SAMD5: variants seen among roughly 807,000 people sequenced by gnomAD.
SAMD5 encodes sterile alpha motif domain containing 5.
In SAMD5, 13 loss-of-function variants were observed where a neutral mutation model predicts 11.3. The ratio of observed to expected loss-of-function variants is 1.15; its 90% CI spans 0.75 to 1.83. SAMD5 has a LOEUF of 1.83. SAMD5 is among the 40% of genes most tolerant of loss of function. The probability of loss-of-function intolerance (pLI) is 0.00; values close to 1 mark genes in which losing one functional copy is unlikely to be tolerated. For missense variants in SAMD5, 255 were observed against 239.1 expected (o/e 1.07, Z -0.44); for synonymous variants, 129 against 111.3 (o/e 1.16, Z -1.00).
chr6:147,847,656 C>T, the SAMD5 span, among the ~76,000 whole-genome samples: 1 of 152,090 alleles, frequency 6.6e-6, no homozygotes, highest in African/African-American at 2.4e-5. Context: ...AGTTCGAGAC[C>T]AGCCTGGCCA....
chr6:147,509,420 C>G (rs1367184608), intron 1 of SAMD5, 33 bp downstream of exon 1: 26 of 1,492,104 alleles, frequency 1.7e-5, no homozygotes, highest in Admixed American at 2.3e-5. Context: ...GCCCGGGGCG[C>G]GCGGCGGGAG....
intron 1 of SAMD5, among the ~76,000 whole-genome samples, chr6:147,588,875 C>A (rs189454691): frequency 6.6e-6 from 1 of 152,068 alleles, no homozygotes; most frequent in Non-Finnish European, 1.5e-5. Flanking sequence ...TACTTCAATT[C>A]GTGAAATACG....
the SAMD5 span, among the ~76,000 whole-genome samples, chr6:147,762,448 C>G: frequency 3.0e-4 from 45 of 152,194 alleles, no homozygotes; most frequent in African/African-American, 1.1e-3. Context: ...ATCCACCTGC[C>G]TCAGCCTCCC....
At chr6:147,809,406 A>G in the SAMD5 span, among the ~76,000 whole-genome samples, 1 of 152,152 alleles carries the variant, frequency 6.6e-6, no homozygotes, top group Admixed American at 6.6e-5. Flanking sequence ...AACGGACCAC[A>G]CAGCTGTACC....
chr6:147,875,976 C>T, the SAMD5 span, among the ~76,000 whole-genome samples: 38 of 152,232 alleles, frequency 2.5e-4, no homozygotes, highest in African/African-American at 7.7e-4. Context: ...CCAAAACATC[C>T]CCTTGTCCCC....
intron 1 of SAMD5, among the ~76,000 whole-genome samples, chr6:147,510,725 CAGATCA>C (rs1468211024): frequency 4.6e-5 from 7 of 152,192 alleles, no homozygotes; most frequent in Admixed American, 6.5e-5. Context: ...ATAGGCAATT[CAGATCA>C]CCTGCTTGAC....
At chr6:147,573,793 A>G (rs1460889629), downstream of SAMD5, among the ~76,000 whole-genome samples, 1 of 152,194 alleles carries the variant, frequency 6.6e-6, no homozygotes, top group African/African-American at 2.4e-5. Context: ...TTTGTGACTC[A>G]TTAATGAAAA....
the SAMD5 span, among the ~76,000 whole-genome samples, chr6:147,766,173 AAG>A: frequency 1.1e-4 from 16 of 152,082 alleles, no homozygotes; most frequent in Non-Finnish European, 1.9e-4. Flanking sequence ...AGTAGGAAAA[AAG>A]AGAACATAAA....
chr6:147,916,839 G>A, the SAMD5 span, among the ~76,000 whole-genome samples: 1 of 150,706 alleles, frequency 6.6e-6, no homozygotes, highest in Non-Finnish European at 1.5e-5. Context: ...AGTTTACTGA[G>A]AATGATGATT....
rs970392679 is a variant in SAMD5 at position 147,540,932 on chromosome 6, C to G, written c.460-23462C>G. On this transcript the variant is annotated intron_variant, in intron 1 of 1. Coordinates refer to ENST00000367474, the MANE Select transcript of SAMD5 (RefSeq NM_001030060.3). ...CCATAGCTGTGGGGTTCAAGCCACG[C>G]GTTTTTTTTTTTTTTTTTTTTTTTT... Among the ~76,000 whole-genome samples, 12 of 106,314 alleles carry G rather than the reference C, an allele frequency of 1.1e-4. No individual in the cohort carries two copies. In the East Asian group the frequency reaches 2.1e-3, roughly 18 times the overall value. The allele number at this position is 106,314 out of a possible 152,430, so 69.7% of individuals were successfully genotyped here.
chr6:147,861,964 A>T, the SAMD5 span, among the ~76,000 whole-genome samples: 3 of 152,142 alleles, frequency 2.0e-5, no homozygotes, highest in African/African-American at 7.2e-5. Context: ...TTCCTGATGG[A>T]CATGACAGCT....
chr6:147,626,505 A>G (rs1453941621), intron 1 of SAMD5, among the ~76,000 whole-genome samples: 1 of 151,892 alleles, frequency 6.6e-6, no homozygotes, highest in Non-Finnish European at 1.5e-5. Context: ...TAGCCTTTGT[A>G]ACTAGTGTGA....
chr6:147,735,605 G>A (rs1791788347), intron 1 of SAMD5, among the ~76,000 whole-genome samples: 1 of 152,002 alleles, frequency 6.6e-6, no homozygotes, highest in Admixed American at 6.5e-5. Context: ...AAAATTTAAG[G>A]AATAGTGTGA....
the SAMD5 span, among the ~76,000 whole-genome samples, chr6:147,860,845 G>A: frequency 1.3e-5 from 2 of 152,176 alleles, 1 homozygote; most frequent in South Asian, 4.1e-4. Context: ...ATAGGAATAT[G>A]TCATTTCAAA....
chr6:147,799,889 G>A, the SAMD5 span, among the ~76,000 whole-genome samples: 9 of 151,962 alleles, frequency 5.9e-5, no homozygotes, highest in East Asian at 7.7e-4. Context: ...CATTCTTCAC[G>A]TAGTTCTGGA....
At chr6:147,795,109 C>T in the SAMD5 span, among the ~76,000 whole-genome samples, 1 of 150,276 alleles carries the variant, frequency 6.7e-6, no homozygotes, top group Non-Finnish European at 1.5e-5. Context: ...TACATGTGCA[C>T]ATTGTGCAGG....
chr6:147,601,118 C>T (rs1198934431), intron 1 of SAMD5, among the ~76,000 whole-genome samples: 1 of 152,146 alleles, frequency 6.6e-6, no homozygotes, highest in Non-Finnish European at 1.5e-5. Context: ...AAGCTGACCC[C>T]AGACAGATGC....
Position 147,611,732 on chromosome 6 carries a change from G to A in SAMD5, c.162+102345G>A, listed in dbSNP as rs146147052. Among the ~76,000 whole-genome samples, 1,504 of 152,240 alleles carry A rather than the reference G, an allele frequency of 9.9e-3. 21 individuals are homozygous for A. Among genetic ancestry groups the A allele is most frequent in the African/African-American group, 0.034 (1,408 of 41,554 alleles). ...GCTTTGCTGCTGGTAAAATTCTTTA[G>A]TTAGGAGGAACAGAGACTCCTCAGA... On this transcript the variant is annotated intron_variant, in intron 1 of 1. Coordinates refer to the SAMD5 transcript ENST00000566741.
At chr6:147,914,621 C>G in the SAMD5 span, among the ~76,000 whole-genome samples, 4 of 152,120 alleles carry the variant, frequency 2.6e-5, no homozygotes, top group Admixed American at 6.6e-5. Flanking sequence ...CAAAAATCAT[C>G]AAGCATTGCT....
Sources: gnomAD v4.1 joint callset for allele counts (sites outside exome capture counted in the v4.1 genomes callset) on GRCh38, gnomAD v4.1.1 for gene constraint, MANE v1.5 for transcripts, NCBI Gene and HGNC (gene_info 2026-07-23, HGNC 2026-07-21) for gene names.